Variants in HDHD2 observed in about 807,000 individuals in gnomAD.
HDHD2 encodes the protein haloacid dehalogenase-like hydrolase domain-containing protein 2.
A neutral mutation model predicts 24.8 loss-of-function variants in HDHD2; 26 were observed. The ratio of observed to expected loss-of-function variants is 1.05; its 90% CI spans 0.77 to 1.45. The LOEUF (loss-of-function observed/expected upper bound fraction) is 1.45, where lower values mean the gene tolerates loss of function less well. Among genes scored for constraint, HDHD2 ranks in the 40% most tolerant of loss-of-function variants. The pLI, the probability that HDHD2 is intolerant of heterozygous loss-of-function variation, is 0.00. For synonymous variants in HDHD2, 128 were observed against 114.9 expected (o/e 1.11, Z -0.73); for missense variants, 299 against 313.4 (o/e 0.95, Z 0.35).
chr18:47,122,559 T>C (rs1279413511), intron 4 of HDHD2, among the ~76,000 whole-genome samples: 1 of 152,134 alleles, frequency 6.6e-6, no homozygotes, highest in Non-Finnish European at 1.5e-5. Context: ...AGTGTTAACA[T>C]TCAACACACT....
At chr18:47,123,166 A>G (rs548556567) in intron 4 of HDHD2, among the ~76,000 whole-genome samples, 251 of 152,348 alleles carry the variant, frequency 1.6e-3, no homozygotes, top group African/African-American at 5.7e-3. Flanking sequence ...AATCCAAAAG[A>G]TTCTATTAAT....
chr18:47,137,873 TG>T (rs1284884445), intron 1 of HDHD2, among the ~76,000 whole-genome samples: 8 of 151,066 alleles, frequency 5.3e-5, no homozygotes, highest in East Asian at 1.9e-4. Context: ...AACTTCCTGT[TG>T]GAAAAAAAAA....
chr18:47,124,761 C>T (rs990981191), intron 4 of HDHD2, among the ~76,000 whole-genome samples: 15 of 148,914 alleles, frequency 1.0e-4, no homozygotes, highest in African/African-American at 3.5e-4. Flanking sequence ...AAAAGACATC[C>T]CAATCAGAAA....
intron 3 of HDHD2, among the ~76,000 whole-genome samples, chr18:47,130,884 A>T (rs1274884972): frequency 1.3e-5 from 2 of 152,240 alleles, no homozygotes; most frequent in Admixed American, 6.5e-5. Flanking sequence ...ATATTATTTT[A>T]AAATTAAAGT....
chr18:47,113,740 C>T (rs1255327904), intron 5 of HDHD2, among the ~76,000 whole-genome samples: 1 of 151,960 alleles, frequency 6.6e-6, no homozygotes, highest in East Asian at 1.9e-4. Context: ...TCAGACCATG[C>T]CTGAAGAAAG....
At chr18:47,110,964 T>A in intron 6 of HDHD2, 3 of 985,264 alleles carry the variant, frequency 3.0e-6, no homozygotes, top group African/African-American at 1.7e-5. Context: ...AAGCACTTAT[T>A]ATTGAATATG....
intron 3 of HDHD2, among the ~76,000 whole-genome samples, chr18:47,133,543 G>C (rs2063734326): frequency 6.8e-6 from 1 of 147,806 alleles, no homozygotes; most frequent in South Asian, 2.2e-4. Context: ...CTAGATCCTT[G>C]AGGAATCGCC....
In HDHD2 at chr18:47,115,215, C is replaced by A; in HGVS notation, c.529G>T (p.Val177Leu). 6.2e-7 allele frequency: 1 copy of A among 1,614,050 alleles called. No individual in the cohort carries two copies. Among genetic ancestry groups the A allele is most frequent in the Admixed American group, 1.7e-5 (1 of 60,020 alleles). ...AAGAACGTCTTCTCTGGTTTCCCCA[C>A]GACTGTGGCTTTGGTATCTGTGGCA... ...EYATDTKATVVGKPEKTFFLE... is the reference protein window; with the variant it reads ...EYATDTKATVLGKPEKTFFLE... The change falls in exon 5 of 7, where the codon GTG (valine) becomes TTG (leucine). Residue 177 changes from valine (V) to leucine (L), a missense_variant. Coordinates refer to ENST00000300605, the MANE Select transcript of HDHD2 (RefSeq NM_032124.5).
intron 5 of HDHD2, 52 bp downstream of exon 5, chr18:47,115,080 T>C: frequency 7.3e-7 from 1 of 1,367,250 alleles, no homozygotes; most frequent in East Asian, 2.3e-5. Context: ...CTAAGCTGGC[T>C]TTCCCAGCAC....
In HDHD2 at chr18:47,108,445, A is replaced by G; in HGVS notation, c.*237T>C. 2.6e-6 allele frequency: 1 copy of G among 385,682 alleles called. No homozygotes were observed. The highest frequency in any genetic ancestry group is 4.2e-5 in the East Asian group (1 of 23,866). The allele number at this position is 385,682 out of a possible 1,614,324, so 23.9% of individuals were successfully genotyped here. ...GAATATTTTAAAAGGAATGGCACAA[A>G]ATCTCAGCTTTCCCTTTCTTTGGGT... is the stretch of plus-strand genomic sequence containing the variant. On this transcript the variant is annotated 3_prime_UTR_variant, in exon 7 of 7. Transcript: ENST00000300605.
intron 1 of HDHD2, among the ~76,000 whole-genome samples, chr18:47,146,990 CAT>C (rs2063877595): frequency 6.6e-6 from 1 of 152,100 alleles, no homozygotes; most frequent in Non-Finnish European, 1.5e-5. Context: ...TCATTTTAAA[CAT>C]ATATGTTTTG....
At chr18:47,111,591 T>G in intron 6 of HDHD2, 1 of 985,406 alleles carries the variant, frequency 1.0e-6, no homozygotes, top group Non-Finnish European at 1.2e-6. Context: ...GTTACGTTCC[T>G]GGGAAGGTGA....
chr18:47,110,146 T>G (rs2063503853), intron 6 of HDHD2: 17 of 985,428 alleles, frequency 1.7e-5, no homozygotes, highest in Non-Finnish European at 2.0e-5. Context: ...AGACCTACTG[T>G]TTTCTACAAC....
At chr18:47,141,856 T>C (rs2063822684) in intron 1 of HDHD2, among the ~76,000 whole-genome samples, 1 of 152,230 alleles carries the variant, frequency 6.6e-6, no homozygotes, top group Non-Finnish European at 1.5e-5. Flanking sequence ...TCTTGAATCG[T>C]AGCTCCCATA....
chr18:47,138,171 CAAAAAAAAAAAAAAAAAAAAA>C (rs58644217), intron 1 of HDHD2, among the ~76,000 whole-genome samples: 1 of 54,914 alleles, frequency 1.8e-5, no homozygotes, highest in South Asian at 1.1e-3. Flanking sequence ...GATTCTGTCG[CAAAAAAAAAAAAAAAAAAAAA>C]AAAAAAAAGA....
intron 5 of HDHD2, among the ~76,000 whole-genome samples, chr18:47,113,626 T>C (rs903299083): frequency 1.3e-5 from 2 of 152,140 alleles, no homozygotes; most frequent in South Asian, 2.1e-4. Context: ...AGGATAAATA[T>C]ACATCATCAA....
chr18:47,128,356 G>C (rs950706175), intron 4 of HDHD2, among the ~76,000 whole-genome samples: 2 of 152,024 alleles, frequency 1.3e-5, no homozygotes, highest in African/African-American at 2.4e-5. Flanking sequence ...TGAATTCTGT[G>C]GTTAAATAAA....
At chr18:47,110,174 C>A in intron 6 of HDHD2, 1 of 985,372 alleles carries the variant, frequency 1.0e-6, no homozygotes, top group Non-Finnish European at 1.2e-6. Context: ...AGAGGCTTTG[C>A]CAGACAAACA....
chr18:47,110,995 T>C, intron 6 of HDHD2: 1 of 985,158 alleles, frequency 1.0e-6, no homozygotes, highest in South Asian at 4.7e-5. Context: ...TTTACGGTTA[T>C]TTTCAACACT....
Sources: allele counts gnomAD v4.1 joint callset (sites outside exome capture counted in the v4.1 genomes callset), GRCh38; gene constraint gnomAD v4.1.1; transcripts MANE v1.5; gene names NCBI Gene and HGNC (gene_info 2026-07-23, HGNC 2026-07-21).